Variants in RYR3 observed in about 807,000 individuals in gnomAD.
RYR3 encodes brain ryanodine receptor-calcium release channel.
RYR3 carries 207 observed loss-of-function variants against 584.3 expected under a neutral mutation model. The ratio of observed to expected loss-of-function variants is 0.35; its 90% confidence interval spans 0.32 to 0.40. The LOEUF is 0.40. Among genes scored for constraint, RYR3 ranks in the 10% least tolerant of loss-of-function variants. RYR3 has a pLI of 1.00. For synonymous variants in RYR3, 2,416 were observed against 2,248.5 expected (o/e 1.07, Z -2.11); for missense variants, 5,616 against 6,089.2 (o/e 0.92, Z 2.59).
rs372207437 is a variant in RYR3, at chr15:33,473,528, C to T, written c.161C>T (p.Ser54Leu). The T allele has an allele frequency of 4.0e-5, 64 of 1,614,030 alleles. No homozygotes were observed. The highest frequency in any genetic ancestry group is 5.3e-5 in the Non-Finnish European group (63 of 1,179,882). ...CGCCTGTGCTTCTTGGAACCCACTT[C>T]AGAAGCCAAGGTGAGATTGGCTGTC... ...GNRLCFLEPT[S>L]EAKYIPPDLC... is the part of the protein sequence containing the mutation. The change falls in exon 2 of 104, where the codon TCA (serine) becomes TTA (leucine). Residue 54 changes from serine (S) to leucine (L), a missense_variant. Physicochemically the swap from Ser to Leu is moderately radical, Grantham distance 145. Coordinates refer to ENST00000634891, the MANE Select transcript of RYR3 (RefSeq NM_001036.6).
chr15:33,784,791 C>T (rs2074603041), intron 65 of RYR3, among the ~76,000 whole-genome samples: 1 of 152,212 alleles, frequency 6.6e-6, no homozygotes, highest in Admixed American at 6.5e-5. Flanking sequence ...TTCCAGTCTT[C>T]CTCCCATCTT....
intron 94 of RYR3, chr15:33,852,802 C>A (rs1405626544): frequency 7.3e-6 from 3 of 413,774 alleles, no homozygotes; most frequent in African/African-American, 4.2e-5. Flanking sequence ...AATCATAATT[C>A]TGAGGCAGAA....
At chr15:33,756,072 C>G (rs971585137) in intron 58 of RYR3, among the ~76,000 whole-genome samples, 2 of 152,188 alleles carry the variant, frequency 1.3e-5, no homozygotes, top group African/African-American at 4.8e-5. Flanking sequence ...TCGCGCCCAG[C>G]CTTGAAGCTG....
intron 10 of RYR3, among the ~76,000 whole-genome samples, chr15:33,551,447 T>C (rs1432792465): frequency 1.3e-5 from 2 of 152,232 alleles, no homozygotes; most frequent in Non-Finnish European, 2.9e-5. Flanking sequence ...CTGAAGAAGA[T>C]AGTCAGCACT....
At chr15:33,683,928 G>A (rs1212815027) in intron 38 of RYR3, among the ~76,000 whole-genome samples, 3 of 152,258 alleles carry the variant, frequency 2.0e-5, no homozygotes, top group East Asian at 1.9e-4. Context: ...AGCCTGGCAG[G>A]AAGAGGGGCG....
intron 1 of RYR3, among the ~76,000 whole-genome samples, chr15:33,421,095 A>G (rs2044212902): frequency 6.6e-6 from 1 of 152,162 alleles, no homozygotes; most frequent in Non-Finnish European, 1.5e-5. Context: ...CTTACTATTC[A>G]TTCATTCTTT....
chr15:33,722,860 G>A lies in RYR3; in HGVS notation c.6765G>A (p.Ala2255=), dbSNP rs377021941. 1.7e-5 allele frequency: 27 copies of A among 1,596,638 alleles called. No homozygotes were observed. In the African/African-American group the frequency reaches 2.7e-4, roughly 16 times the overall value. The change falls in exon 44 of 104, where the codon GCG becomes GCA. Residue 2255 remains alanine, a synonymous_variant. Transcript: ENST00000634891. ...QGAIKISENP[A]LDLPSQGYKR... ...CCATTAAGATCTCTGAGAACCCAGC[G>A]CTCGACCTCCCCTCTCAAGGATACA... is the stretch of plus-strand genomic sequence containing the variant.
At chr15:33,678,462 G>A (rs1360366406) in intron 38 of RYR3, among the ~76,000 whole-genome samples, 2 of 152,146 alleles carry the variant, frequency 1.3e-5, no homozygotes, top group African/African-American at 4.8e-5. Context: ...AGGCCTCCCA[G>A]CCATGCTTCC....
chr15:33,643,081 G>T (rs903971458), intron 27 of RYR3, among the ~76,000 whole-genome samples: 1 of 152,096 alleles, frequency 6.6e-6, no homozygotes, highest in East Asian at 1.9e-4. Context: ...GTGCATCTTG[G>T]CCTTGGTGTC....
intron 70 of RYR3, among the ~76,000 whole-genome samples, chr15:33,808,661 A>G (rs1377163942): frequency 6.6e-6 from 1 of 152,194 alleles, no homozygotes; most frequent in African/African-American, 2.4e-5. Context: ...CTGAGTCGCA[A>G]CCTTTAGAAT....
Position 33,584,288 on chromosome 15 carries a change from A to G in RYR3, c.1574-107A>G, listed in dbSNP as rs1264775633. Reference sequence around the variant, plus strand: ...GCTAGATAGGGTGAGATTGGCATTCAGTTCCTTTTAGTTGCTAAGCAAGTG... The same window carrying G: ...GCTAGATAGGGTGAGATTGGCATTCGGTTCCTTTTAGTTGCTAAGCAAGTG... On this transcript the variant is annotated intron_variant, in intron 14 of 103. Transcript: ENST00000634891. The G allele has an allele frequency of 4.9e-5, 30 of 608,794 alleles. No individual in the cohort carries two copies. In the Admixed American group the frequency reaches 9.0e-4, roughly 18 times the overall value. The allele number at this position is 608,794 out of a possible 1,614,324, so 37.7% of individuals were successfully genotyped here.
chr15:33,696,511 G>A lies in RYR3; in HGVS notation c.6134+20G>A, dbSNP rs758839986. On this transcript the variant is annotated intron_variant, in intron 39 of 103. Transcript: ENST00000634891. ...GCTGGGGTAGGTGATTCACGGTTAC[G>A]TGCTGTTCTCTCTAGGAGCTTTAAG... 23 of 1,612,686 alleles carry A rather than the reference G, an allele frequency of 1.4e-5. No individual in the cohort carries two copies. The East Asian group carries it at 2.9e-4, about 20-fold the overall frequency.
In RYR3 at chr15:33,715,993, G is replaced by C. The variant is rs140234195; in HGVS notation, c.6620-6722G>C. Among the ~76,000 whole-genome samples the C allele has an allele frequency of 1.1e-3, 165 of 152,254 alleles. 1 individual carries two copies. Among genetic ancestry groups the C allele is most frequent in the African/African-American group, 3.6e-3 (151 of 41,546 alleles). On this transcript the variant is annotated intron_variant, in intron 43 of 103. Transcript: ENST00000634891. ...CCTGGTGGGACGTGTTTGGATCATG[G>C]GGGCAGATGCCTCTTGGCTTGGTGC... is the stretch of plus-strand genomic sequence containing the variant.
intron 2 of RYR3, among the ~76,000 whole-genome samples, chr15:33,502,567 G>A (rs2052088168): frequency 6.6e-6 from 1 of 152,138 alleles, no homozygotes; most frequent in East Asian, 1.9e-4. Context: ...CATTGAAATG[G>A]GATTGTAAAC....
chr15:33,701,524 G>A (rs1351170381), intron 42 of RYR3, among the ~76,000 whole-genome samples: 4 of 152,144 alleles, frequency 2.6e-5, no homozygotes, highest in African/African-American at 4.8e-5. Flanking sequence ...TCCTGGTGGT[G>A]GAGCTGGTTG....
rs761552773 is a variant in RYR3, at chr15:33,765,632, CAAAA to C, written c.8706-3006_8706-3003del. On this transcript the variant is annotated intron_variant, in intron 60 of 103. Transcript: ENST00000634891. ...TCGCCAATAGAGTGAGACTCCGTCT[CAAAA>C]AAAAAAAAAAAAAAAAAAAGAAAAT... 9.8e-5 allele frequency among the ~76,000 whole-genome samples: 6 copies of C among 60,948 alleles called. No homozygotes were observed. The East Asian group carries it at 1.6e-3, about 16-fold the overall frequency. 40.0% of individuals were successfully genotyped at this position (60,948 alleles called of 152,430 possible).
At chr15:33,499,772 G>A (rs138898664) in intron 2 of RYR3, among the ~76,000 whole-genome samples, 7 of 152,238 alleles carry the variant, frequency 4.6e-5, no homozygotes, top group African/African-American at 1.4e-4. Context: ...GCGAATAGTC[G>A]ATCAGAGATT....
intron 70 of RYR3, among the ~76,000 whole-genome samples, chr15:33,808,948 T>C (rs1313331967): frequency 6.6e-6 from 1 of 152,242 alleles, no homozygotes; most frequent in Non-Finnish European, 1.5e-5. Flanking sequence ...ACTAGGGTTC[T>C]GCTGGCCAGG....
intron 69 of RYR3, among the ~76,000 whole-genome samples, chr15:33,803,793 G>A (rs908547477): frequency 1.3e-5 from 2 of 152,236 alleles, no homozygotes; most frequent in African/African-American, 2.4e-5. Flanking sequence ...GGGATTACAG[G>A]CGTGAGCCAC....
Sources: allele counts gnomAD v4.1 joint callset (sites outside exome capture counted in the v4.1 genomes callset), GRCh38; gene constraint gnomAD v4.1.1; transcripts MANE v1.5; gene names NCBI Gene and HGNC (gene_info 2026-07-23, HGNC 2026-07-21).